ZC3H12B: variants seen among roughly 807,000 people sequenced by gnomAD.
ZC3H12B encodes the protein probable ribonuclease ZC3H12B.
ZC3H12B carries 7 observed loss-of-function variants against 43.9 expected under a neutral mutation model. That is an observed-to-expected ratio of 0.16 (90% confidence interval 0.09 to 0.30). The LOEUF is 0.30. Among genes scored for constraint, ZC3H12B ranks in the 10% least tolerant of loss-of-function variants. The pLI, the probability that ZC3H12B is intolerant of heterozygous loss-of-function variation, is 1.00. For synonymous variants in ZC3H12B, 222 were observed against 241.7 expected (o/e 0.92, Z 0.76); for missense variants, 475 against 670.2 (o/e 0.71, Z 3.22).
At chrX:65,127,678 T>C in the ZC3H12B span, among the ~76,000 whole-genome samples, 29 of 111,079 alleles carry the variant, frequency 2.6e-4, 1 homozygote, top group East Asian at 8.0e-3. Flanking sequence ...GCTCAGCCTC[T>C]TCTTGGGCAT....
the ZC3H12B span, among the ~76,000 whole-genome samples, chrX:65,211,090 A>AG: frequency 6.7e-4 from 65 of 97,694 alleles, no homozygotes; most frequent in African/African-American, 2.2e-3. Flanking sequence ...AAAAGAAAGA[A>AG]AAAAAAAAAA....
chrX:65,250,900 T>A, the ZC3H12B span, among the ~76,000 whole-genome samples: 17 of 111,829 alleles, frequency 1.5e-4, no homozygotes, highest in East Asian at 4.8e-3. Flanking sequence ...CTGTTCACTC[T>A]GATGGTAGTT....
the ZC3H12B span, among the ~76,000 whole-genome samples, chrX:65,321,689 C>T: frequency 1.5e-4 from 16 of 107,487 alleles, no homozygotes; most frequent in East Asian, 4.7e-3. Flanking sequence ...AAAAAAAAAA[C>T]AGTACATATA....
At chrX:65,133,211 A>C in the ZC3H12B span, among the ~76,000 whole-genome samples, 2 of 111,065 alleles carry the variant, frequency 1.8e-5, no homozygotes, top group Admixed American at 1.9e-4. Context: ...GGAGGCAAGG[A>C]ATTGCAACTC....
At chrX:65,310,969 T>A in the ZC3H12B span, among the ~76,000 whole-genome samples, 4 of 112,135 alleles carry the variant, frequency 3.6e-5, no homozygotes, top group Non-Finnish European at 7.5e-5. Context: ...CTGGATCCCT[T>A]CCTTACAATT....
At chrX:65,169,341 G>T in the ZC3H12B span, among the ~76,000 whole-genome samples, 1 of 112,131 alleles carries the variant, frequency 8.9e-6, no homozygotes, top group African/African-American at 3.2e-5. Flanking sequence ...TAGTTGAGCA[G>T]TTTTTAGTGA....
chrX:65,486,365 T>G (rs893007169), upstream of ZC3H12B, among the ~76,000 whole-genome samples: 25 of 112,458 alleles, frequency 2.2e-4, no homozygotes, highest in African/African-American at 7.4e-4. Context: ...GAGGACAGGC[T>G]TAGTTCTGGT....
At chrX:65,085,790 G>T in the ZC3H12B span, among the ~76,000 whole-genome samples, 1 of 110,360 alleles carries the variant, frequency 9.1e-6, no homozygotes, top group Non-Finnish European at 1.9e-5. Flanking sequence ...AAAAGATTTT[G>T]AAAGAATCAC....
At chrX:65,391,889 C>T (rs934180561) in intron 2 of ZC3H12B, among the ~76,000 whole-genome samples, 8 of 111,292 alleles carry the variant, frequency 7.2e-5, no homozygotes, top group Admixed American at 1.9e-4. Context: ...CCTCAGCCTG[C>T]CAAGTGCCTG....
chrX:65,160,021 C>T, the ZC3H12B span, among the ~76,000 whole-genome samples: 1 of 111,990 alleles, frequency 8.9e-6, no homozygotes, highest in African/African-American at 3.2e-5. Context: ...TTGAGATAAT[C>T]ATGTGGTTTT....
chrX:65,060,105 T>G, the ZC3H12B span, among the ~76,000 whole-genome samples: 1 of 112,702 alleles, frequency 8.9e-6, no homozygotes, highest in Non-Finnish European at 1.9e-5. Flanking sequence ...TTCTAGTAGT[T>G]TTCTTGTGGA....
the ZC3H12B span, among the ~76,000 whole-genome samples, chrX:65,158,858 C>A: frequency 9.0e-6 from 1 of 111,728 alleles, no homozygotes; most frequent in Non-Finnish European, 1.9e-5. Flanking sequence ...ATGCCTGTGT[C>A]CTGAATGGTA....
At chrX:65,450,087 G>A (rs962921243) in intron 3 of ZC3H12B, among the ~76,000 whole-genome samples, 8 of 108,158 alleles carry the variant, frequency 7.4e-5, no homozygotes, top group African/African-American at 1.7e-4. Context: ...AGGGTAGATC[G>A]TGAGGTCAGG....
the ZC3H12B span, among the ~76,000 whole-genome samples, chrX:65,063,116 T>A: frequency 4.5e-5 from 5 of 111,916 alleles, no homozygotes; most frequent in African/African-American, 1.6e-4. Flanking sequence ...ACAGACACAA[T>A]CTGACTTTTT....
chrX:65,283,476 C>A, the ZC3H12B span, among the ~76,000 whole-genome samples: 2 of 111,009 alleles, frequency 1.8e-5, no homozygotes, highest in African/African-American at 6.5e-5. Flanking sequence ...CTGGCCAGGG[C>A]AATCAGGCAA....
At chrX:65,053,678 G>T in the ZC3H12B span, among the ~76,000 whole-genome samples, 1 of 111,273 alleles carries the variant, frequency 9.0e-6, no homozygotes, top group African/African-American at 3.3e-5. Flanking sequence ...CTGAGGAATC[G>T]CCACACTGAC....
At chrX:65,330,534 T>C in the ZC3H12B span, among the ~76,000 whole-genome samples, 2 of 111,696 alleles carry the variant, frequency 1.8e-5, 1 homozygote, top group South Asian at 7.5e-4. Context: ...TGATATGGGC[T>C]GTGGGTTTGT....
chrX:65,054,860 G>T, the ZC3H12B span, among the ~76,000 whole-genome samples: 405 of 111,275 alleles, frequency 3.6e-3, 1 homozygote, highest in Admixed American at 7.2e-3. Flanking sequence ...TTGTGAGTGG[G>T]AGTTCACTCA....
At chrX:65,242,581 G>A in the ZC3H12B span, among the ~76,000 whole-genome samples, 2 of 112,003 alleles carry the variant, frequency 1.8e-5, no homozygotes, top group Non-Finnish European at 3.8e-5. Context: ...CAAATTTAAT[G>A]CAGTTTCTGT....
Sources: gnomAD v4.1 joint callset for allele counts (sites outside exome capture counted in the v4.1 genomes callset) on GRCh38, gnomAD v4.1.1 for gene constraint, MANE v1.5 for transcripts, NCBI Gene and HGNC (gene_info 2026-07-23, HGNC 2026-07-21) for gene names.